Variants in LRRK2 observed in about 807,000 individuals in gnomAD.
The protein encoded by LRRK2 is leucine rich repeat kinase 2.
A neutral mutation model predicts 302.6 loss-of-function variants in LRRK2; 203 were observed. That is an observed-to-expected ratio of 0.67 (90% CI 0.60 to 0.75). The LOEUF (loss-of-function observed/expected upper bound fraction) is 0.75. Ranked by LOEUF, LRRK2 falls within the 30% of genes least tolerant of loss-of-function variation. The pLI is 0.00. For synonymous variants in LRRK2, 1,066 were observed against 1,031.9 expected, an observed-to-expected ratio of 1.03 and a Z score of -0.63; for missense variants, 2,830 against 2,951.0, an observed-to-expected ratio of 0.96 and a Z score of 0.95.
rs1293353544 is a variant in LRRK2, at chr12:40,263,905, T to C, written c.1656+4T>C. The C allele has an allele frequency of 6.3e-7, 1 of 1,586,894 alleles. No homozygotes were observed. On this transcript the variant is annotated splice_donor_region_variant and intron_variant, in intron 14 of 50. Coordinates refer to ENST00000298910, the MANE Select transcript of LRRK2 (RefSeq NM_198578.4). ...GGTCCTAGCAGCTTTGAACAGGGTA[T>C]GTTGAATATAAGTTTTCTGTATTTA... is the stretch of plus-strand genomic sequence containing the variant.
chr12:40,255,715 A>T (rs1287952856), intron 11 of LRRK2, among the ~76,000 whole-genome samples: 2 of 152,182 alleles, frequency 1.3e-5, no homozygotes, highest in East Asian at 3.9e-4. Flanking sequence ...TGCACACTAA[A>T]GTTTGAGAAC....
In LRRK2 at chr12:40,282,189, CTCCT is replaced by C. The variant is rs148321147; in HGVS notation, c.2242-1665_2242-1662del. Among the ~76,000 whole-genome samples the C allele has an allele frequency of 7.7e-3, 1,065 of 138,794 alleles. 22 individuals carry two copies. Among genetic ancestry groups the C allele is most frequent in the African/African-American group, 0.026 (984 of 37,532 alleles). 91.1% of individuals were successfully genotyped at this position (138,794 alleles called of 152,430 possible). A position where few individuals can be genotyped will look rare whatever the true frequency, so the allele number is the denominator to read the frequency against. On this transcript the variant is annotated intron_variant, in intron 18 of 50. Transcript: ENST00000298910. Reference sequence around the variant, plus strand: ...TCCCCTTCCTCTTCCCCTTCCCCTTCTCCTTCCTTCCTTCCTTCCTTCCTCTTCC... The same window carrying C: ...TCCCCTTCCTCTTCCCCTTCCCCTTCTCCTTCCTTCCTTCCTTCCTCTTCC...
At chr12:40,361,634 T>C (rs1946710549) in intron 47 of LRRK2, among the ~76,000 whole-genome samples, 1 of 152,126 alleles carries the variant, frequency 6.6e-6, no homozygotes, top group Non-Finnish European at 1.5e-5. Context: ...TAAAGTTCCA[T>C]ATAAGATTTG....
At chr12:40,312,791 A>G (rs1945077437) in intron 31 of LRRK2, 1 of 151,614 alleles carries the variant, frequency 6.6e-6, no homozygotes, top group Non-Finnish European at 1.5e-5. Context: ...TTCTTTGAGA[A>G]CTCTTGTTTA....
At chr12:40,256,143 G>A (rs1942490418) in intron 11 of LRRK2, among the ~76,000 whole-genome samples, 2 of 152,138 alleles carry the variant, frequency 1.3e-5, no homozygotes, top group Admixed American at 6.6e-5. Flanking sequence ...AGTGAAGGAA[G>A]TTTATTACAA....
intron 37 of LRRK2, among the ~76,000 whole-genome samples, chr12:40,322,888 G>A (rs893085412): frequency 6.6e-6 from 1 of 152,072 alleles, no homozygotes; most frequent in Admixed American, 6.5e-5. Flanking sequence ...AAAGCAGAGA[G>A]TAGATAACTT....
chr12:40,257,487 C>T, intron 12 of LRRK2, 110 bp downstream of exon 12: 3 of 1,322,678 alleles, frequency 2.3e-6, no homozygotes, highest in Non-Finnish European at 2.1e-6. Flanking sequence ...ACATAAGACA[C>T]TTGAAAACTG....
chr12:40,333,589 C>T (rs557481559), intron 39 of LRRK2, among the ~76,000 whole-genome samples: 97 of 152,198 alleles, frequency 6.4e-4, no homozygotes, highest in African/African-American at 2.3e-3. Flanking sequence ...TGGATCTTAG[C>T]TCAAATACTA....
chr12:40,259,702 G>A (rs1942685229), intron 13 of LRRK2, 98 bp downstream of exon 13: 1 of 1,452,608 alleles, frequency 6.9e-7, no homozygotes, highest in East Asian at 2.3e-5. Flanking sequence ...TAAAAGACTA[G>A]TTTCTGTCGA....
chr12:40,231,513 T>C (rs1941183888), intron 2 of LRRK2, among the ~76,000 whole-genome samples: 1 of 146,072 alleles, frequency 6.8e-6, no homozygotes, highest in African/African-American at 2.5e-5. Flanking sequence ...GATCTATGAT[T>C]GCACCATTGC....
At chr12:40,237,102 C>T (rs531563331) in intron 4 of LRRK2, among the ~76,000 whole-genome samples, 16 of 151,348 alleles carry the variant, frequency 1.1e-4, no homozygotes, top group African/African-American at 2.4e-4. Flanking sequence ...AGTCCAAGTA[C>T]GAAGAGATAC....
At chr12:40,229,957 T>A (rs1169258118) in intron 2 of LRRK2, among the ~76,000 whole-genome samples, 2 of 69,356 alleles carry the variant, frequency 2.9e-5, no homozygotes, top group Non-Finnish European at 5.7e-5. Context: ...CTATGTGACT[T>A]TTTTTTTTTT....
intron 7 of LRRK2, among the ~76,000 whole-genome samples, chr12:40,244,446 C>T (rs1941880676): frequency 6.6e-6 from 1 of 152,002 alleles, no homozygotes; most frequent in South Asian, 2.1e-4. Context: ...TTTTATGCTA[C>T]TACTATCTGT....
intron 7 of LRRK2, among the ~76,000 whole-genome samples, chr12:40,249,318 CT>C (rs776724212): frequency 0.034 from 4,748 of 138,826 alleles, 219 homozygotes; most frequent in African/African-American, 0.11. Context: ...GGTGAAATAC[CT>C]TTTTTTTTTT....
At chr12:40,328,218 T>G (rs1229536097) in intron 38 of LRRK2, 142 bp from the exon 39 acceptor site, 4 of 678,214 alleles carry the variant, frequency 5.9e-6, no homozygotes, top group African/African-American at 1.8e-5. Context: ...GAGGAAATGT[T>G]AAAGGAGATT....
chr12:40,354,377 A>G lies in LRRK2; in HGVS notation c.6655A>G (p.Thr2219Ala). The G allele has an allele frequency of 6.2e-7, 1 of 1,614,114 alleles. No individual in the cohort carries two copies. The highest frequency in any genetic ancestry group is 1.3e-5 in the African/African-American group (1 of 75,036). ...AAAGGAAAGCTGGATTGTGTCTGGG[A>G]CACAGTCTGGTACTCTCCTGGTCAT... Reference protein sequence around the residue: ...VEKESWIVSGTQSGTLLVINT... With the variant: ...VEKESWIVSGAQSGTLLVINT... Residue 2219 changes from threonine to alanine, a missense_variant, in exon 45 of 51, where the codon ACA becomes GCA. This residue lies in a region of LRRK2 where 456 missense variants were observed against 456.3 expected (regional missense o/e 1.00). Transcript: ENST00000298910.
At chr12:40,228,221 T>C (rs1940994433) in intron 2 of LRRK2, among the ~76,000 whole-genome samples, 1 of 152,150 alleles carries the variant, frequency 6.6e-6, no homozygotes, top group Admixed American at 6.5e-5. Flanking sequence ...ACCATTCCCC[T>C]TTTTCTGCAT....
intron 20 of LRRK2, among the ~76,000 whole-genome samples, chr12:40,287,908 T>A (rs1481464235): frequency 1.3e-5 from 2 of 151,870 alleles, no homozygotes; most frequent in South Asian, 4.1e-4. Context: ...TTAGAAAAAA[T>A]GTATGTAAAA....
chr12:40,289,333 G>T (rs1352852202), intron 20 of LRRK2, among the ~76,000 whole-genome samples: 1 of 151,608 alleles, frequency 6.6e-6, no homozygotes, highest in African/African-American at 2.4e-5. Context: ...CTTGAAATCA[G>T]ATAGTGTAAG....
Sources: allele counts gnomAD v4.1 joint callset (sites outside exome capture counted in the v4.1 genomes callset), GRCh38; gene constraint gnomAD v4.1.1; regional missense constraint gnomAD v4.1.1; transcripts MANE v1.5; gene names NCBI Gene and HGNC (gene_info 2026-07-23, HGNC 2026-07-21).